Variants in CLVS1 observed in about 807,000 individuals in gnomAD.
CLVS1 encodes clavesin 1.
A neutral mutation model predicts 33.1 loss-of-function variants in CLVS1; 10 were observed. That is an observed-to-expected ratio of 0.30 (90% CI 0.19 to 0.51). The LOEUF is 0.51. Among genes scored for constraint, CLVS1 ranks in the 20% least tolerant of loss-of-function variants. The pLI is 0.97. For synonymous variants in CLVS1, 163 were observed against 166.1 expected, an observed-to-expected ratio of 0.98 and a Z score of 0.14; for missense variants, 343 against 433.4, an observed-to-expected ratio of 0.79 and a Z score of 1.85.
At chr8:61,130,197 C>T (rs1050998237) in intron 1 of CLVS1, among the ~76,000 whole-genome samples, 2 of 151,220 alleles carry the variant, frequency 1.3e-5, no homozygotes, top group Non-Finnish European at 2.9e-5. Flanking sequence ...GAAATCATGC[C>T]ACTGCACTCT....
the CLVS1 span, among the ~76,000 whole-genome samples, chr8:61,032,319 A>G: frequency 2.0e-5 from 3 of 152,124 alleles, no homozygotes; most frequent in East Asian, 5.8e-4. Flanking sequence ...TCATGATTGG[A>G]GCACCTCCTT....
rs558581570 is a variant in CLVS1 at position 61,068,824 on chromosome 8, T to A, written c.-243+11594T>A. On this transcript the variant is annotated intron_variant, in intron 1 of 2. Transcript: ENST00000522621. ...CTCCCCACACACACACCTCCCGGGG[T>A]CTCTCGAATTGTTCCTTCTCTTCCT... is the stretch of plus-strand genomic sequence containing the variant. Among the ~76,000 whole-genome samples the A allele has an allele frequency of 4.6e-5, 7 of 152,108 alleles. No individual in the cohort carries two copies. The South Asian group carries it at 1.5e-3, about 32-fold the overall frequency.
intron 2 of CLVS1, among the ~76,000 whole-genome samples, chr8:61,165,043 C>A (rs930528427): frequency 6.6e-6 from 1 of 152,146 alleles, no homozygotes; most frequent in African/African-American, 2.4e-5. Context: ...TATTAGAAGC[C>A]GTGGGTCACG....
intron 5 of CLVS1, among the ~76,000 whole-genome samples, chr8:61,497,218 A>G (rs1804296106): frequency 6.6e-6 from 1 of 152,178 alleles, no homozygotes; most frequent in Admixed American, 6.5e-5. Context: ...AGTTGTTAAG[A>G]CTGACAGTTG....
chr8:61,345,622 G>GTGTGTGTGTGTGTGTA (rs1563507152), intron 2 of CLVS1, among the ~76,000 whole-genome samples: 1 of 53,650 alleles, frequency 1.9e-5, no homozygotes, highest in Non-Finnish European at 5.2e-5. Context: ...GCCTCTAGGG[G>GTGTGTGTGTGTGTGTA]TGTGTGTGTG....
intron 1 of CLVS1, among the ~76,000 whole-genome samples, chr8:61,106,576 G>A (rs1250111052): frequency 2.0e-5 from 3 of 152,342 alleles, no homozygotes; most frequent in African/African-American, 7.2e-5. Flanking sequence ...CGCCACAGGA[G>A]GAGTTGCTGG....
chr8:61,250,137 G>A (rs899023313), intron 2 of CLVS1, among the ~76,000 whole-genome samples: 4 of 152,158 alleles, frequency 2.6e-5, no homozygotes, highest in African/African-American at 9.6e-5. Context: ...TCTGCATAGG[G>A]CTAGCCATTT....
intron 2 of CLVS1, among the ~76,000 whole-genome samples, chr8:61,161,467 T>G (rs1806748711): frequency 6.6e-6 from 1 of 152,162 alleles, no homozygotes; most frequent in Admixed American, 6.5e-5. Flanking sequence ...CTATTCAGCC[T>G]TAAAAAAGAA....
At chr8:61,008,464 CTTTT>C in the CLVS1 span, among the ~76,000 whole-genome samples, 2 of 135,038 alleles carry the variant, frequency 1.5e-5, no homozygotes, top group Admixed American at 7.4e-5. Flanking sequence ...TGGGGATTTA[CTTTT>C]TTTTTTTTTT....
At chr8:61,291,094 T>C (rs1258074166) in intron 1 of CLVS1, among the ~76,000 whole-genome samples, 1 of 152,184 alleles carries the variant, frequency 6.6e-6, no homozygotes, top group Admixed American at 6.5e-5. Context: ...CCCTGCCCCA[T>C]AAAAAGCTTC....
chr8:61,124,590 C>T (rs1172969870), intron 1 of CLVS1, among the ~76,000 whole-genome samples: 1 of 152,142 alleles, frequency 6.6e-6, no homozygotes, highest in African/African-American at 2.4e-5. Context: ...TTCCTTCAGA[C>T]CCTTTAATGA....
Position 61,202,521 on chromosome 8 carries a change from G to C in CLVS1, c.-152+70661G>C, listed in dbSNP as rs1415919286. On this transcript the variant is annotated intron_variant, in intron 2 of 2. Coordinates refer to the CLVS1 transcript ENST00000522621. ...TAGGGGCTGGTGCAAAGGATGAATTGCACATTGTTGAAGCAGAGGCAATGA... is the reference window on the plus strand; with the variant it reads ...TAGGGGCTGGTGCAAAGGATGAATTCCACATTGTTGAAGCAGAGGCAATGA... 2.6e-4 allele frequency: 273 copies of C among 1,043,050 alleles called. 3 individuals are homozygous for C. The highest frequency in any genetic ancestry group is 3.9e-4 in the Non-Finnish European group (263 of 672,358). 64.6% of individuals were successfully genotyped at this position (1,043,050 alleles called of 1,614,324 possible). A position where few individuals can be genotyped will look rare whatever the true frequency, so the allele number is the denominator to read the frequency against.
intron 1 of CLVS1, among the ~76,000 whole-genome samples, chr8:61,120,679 C>T (rs71525438): frequency 2.2e-4 from 31 of 138,698 alleles, no homozygotes; most frequent in Middle Eastern, 3.4e-3. Context: ...CCCAGTTAGG[C>T]TGCTCAGGGG....
chr8:61,469,851 G>A (rs1477229695), intron 5 of CLVS1, among the ~76,000 whole-genome samples: 2 of 152,158 alleles, frequency 1.3e-5, no homozygotes, highest in East Asian at 1.9e-4. Context: ...ATGATCCGCA[G>A]TCTCCACTGT....
intron 1 of CLVS1, among the ~76,000 whole-genome samples, chr8:61,073,132 C>G (rs1402220720): frequency 6.6e-6 from 1 of 152,118 alleles, no homozygotes; most frequent in African/African-American, 2.4e-5. Flanking sequence ...AGTTCTAGTT[C>G]ATTTGCTAAT....
intron 2 of CLVS1, among the ~76,000 whole-genome samples, chr8:61,177,455 G>C (rs73682200): frequency 2.6e-5 from 4 of 152,096 alleles, no homozygotes; most frequent in Non-Finnish European, 4.4e-5. Flanking sequence ...CCCCCAGTGC[G>C]GCACACCCTC....
chr8:61,456,683 G>T (rs913015722), intron 4 of CLVS1, among the ~76,000 whole-genome samples: 1 of 151,992 alleles, frequency 6.6e-6, no homozygotes, highest in African/African-American at 2.4e-5. Flanking sequence ...TTGGGAGGCC[G>T]AGGCATGCGG....
the CLVS1 span, among the ~76,000 whole-genome samples, chr8:61,049,837 C>A: frequency 6.6e-5 from 10 of 152,270 alleles, no homozygotes; most frequent in South Asian, 1.9e-3. Flanking sequence ...TTTTTTAGGA[C>A]TTAGTGTGCA....
intron 5 of CLVS1, among the ~76,000 whole-genome samples, chr8:61,480,312 C>T (rs990925464): frequency 1.3e-5 from 2 of 152,216 alleles, no homozygotes; most frequent in Non-Finnish European, 2.9e-5. Context: ...CTCGCTGCCG[C>T]CTTGCAGTTT....
Sources: allele counts gnomAD v4.1 joint callset (sites outside exome capture counted in the v4.1 genomes callset), GRCh38; gene constraint gnomAD v4.1.1; transcripts MANE v1.5; gene names NCBI Gene and HGNC (gene_info 2026-07-23, HGNC 2026-07-21).